The following FLT1 variants were observed in gnomAD, a reference collection of about 807,000 sequenced individuals.
FLT1 encodes the protein vascular endothelial growth factor receptor 1.
In FLT1, 49 loss-of-function variants were observed where a neutral mutation model predicts 156.3. The observed-to-expected ratio is 0.31, with a 90% CI of 0.25 to 0.40. FLT1 has a LOEUF of 0.40. FLT1 is among the 10% of genes least tolerant of loss of function. FLT1 has a pLI of 1.00. For synonymous variants in FLT1, 594 were observed against 583.8 expected (o/e 1.02, Z -0.25); for missense variants, 1,322 against 1,637.2 (o/e 0.81, Z 3.32).
intron 1 of FLT1, among the ~76,000 whole-genome samples, chr13:28,484,131 T>C (rs1458280046): frequency 1.3e-5 from 2 of 152,220 alleles, no homozygotes; most frequent in African/African-American, 2.4e-5. Context: ...GTTCACATTT[T>C]TTTCCCTTCC....
chr13:28,368,968 G>A (rs1208511320), intron 14 of FLT1, among the ~76,000 whole-genome samples: 2 of 152,044 alleles, frequency 1.3e-5, no homozygotes, highest in Non-Finnish European at 2.9e-5. Context: ...GCCTCCCAAA[G>A]TGCTGGGATT....
intron 3 of FLT1, among the ~76,000 whole-genome samples, chr13:28,438,931 C>A (rs938933160): frequency 5.9e-5 from 9 of 152,102 alleles, no homozygotes; most frequent in Admixed American, 5.2e-4. Flanking sequence ...GCGGACAGGC[C>A]GGAGAAGCTG....
intron 1 of FLT1, among the ~76,000 whole-genome samples, chr13:28,494,576 C>T (rs1038588850): frequency 6.6e-6 from 1 of 152,196 alleles, no homozygotes. Context: ...AGGCCAGCCA[C>T]TCCTCGAGGC....
chr13:28,412,736 T>C (rs1876381221), intron 10 of FLT1, among the ~76,000 whole-genome samples: 1 of 135,372 alleles, frequency 7.4e-6, no homozygotes, highest in Non-Finnish European at 1.6e-5. Flanking sequence ...CGTTCTTTTT[T>C]TTTTTTTTTT....
At position 28,370,027 on chromosome 13, in the gene FLT1, A is replaced by C. The variant is rs183131729; in HGVS notation, c.2117-12342T>G. On this transcript the variant is annotated intron_variant, in intron 14 of 29. Coordinates refer to ENST00000282397, the MANE Select transcript of FLT1 (RefSeq NM_002019.4). ...CCAGCCTGGGCAACACAGTGAGACTACTGTCTCTATAAAAAATAAAAAAAA... is the reference window on the plus strand; with the variant it reads ...CCAGCCTGGGCAACACAGTGAGACTCCTGTCTCTATAAAAAATAAAAAAAA... Among the ~76,000 whole-genome samples the C allele has an allele frequency of 3.3e-5, 5 of 152,018 alleles. No homozygotes were observed. In the East Asian group the frequency reaches 7.7e-4, roughly 24 times the overall value.
chr13:28,325,902 G>A (rs141636008), intron 20 of FLT1, among the ~76,000 whole-genome samples: 57 of 151,314 alleles, frequency 3.8e-4, no homozygotes, highest in African/African-American at 1.1e-3. Context: ...ATATATTGCC[G>A]GTCCGGTAGA....
chr13:28,327,781 G>A (rs1412865445), intron 19 of FLT1, among the ~76,000 whole-genome samples: 1 of 139,410 alleles, frequency 7.2e-6, no homozygotes, highest in African/African-American at 2.5e-5. Context: ...AAAAAAGGAG[G>A]TGAGGGGCAG....
intron 23 of FLT1, among the ~76,000 whole-genome samples, chr13:28,320,672 T>C (rs1263415742): frequency 6.6e-6 from 1 of 152,008 alleles, no homozygotes; most frequent in African/African-American, 2.4e-5. Context: ...GTCTAGAAAC[T>C]GGTTAGAAAT....
chr13:28,473,516 G>A (rs144869222), intron 1 of FLT1, among the ~76,000 whole-genome samples: 5,318 of 151,450 alleles, frequency 0.035, 145 homozygotes, highest in Non-Finnish European at 0.049. Context: ...ATGGTGGTGC[G>A]CGCCTGTAGT....
chr13:28,393,493 G>A (rs1403323619), intron 12 of FLT1, among the ~76,000 whole-genome samples: 2 of 152,194 alleles, frequency 1.3e-5, no homozygotes, highest in African/African-American at 4.8e-5. Flanking sequence ...GTGTGCCAAA[G>A]TTTGGAGTCG....
chr13:28,405,743 G>T (rs370872471), intron 11 of FLT1, 37 bp downstream of exon 11: 15 of 1,106,928 alleles, frequency 1.4e-5, no homozygotes, highest in Non-Finnish European at 1.8e-5. Context: ...TGTATTTGTG[G>T]AATAAATATC....
chr13:28,441,569 A>G (rs555464048), intron 3 of FLT1, among the ~76,000 whole-genome samples: 1 of 152,224 alleles, frequency 6.6e-6, no homozygotes, highest in African/African-American at 2.4e-5. Context: ...CACAAATTAT[A>G]CTCATCATCT....
chr13:28,308,054 G>A (rs1311596071), intron 28 of FLT1, among the ~76,000 whole-genome samples: 1 of 152,194 alleles, frequency 6.6e-6, no homozygotes, highest in Non-Finnish European at 1.5e-5. Flanking sequence ...TTACAGGCTT[G>A]AGCCACTGCG....
At chr13:28,311,513 C>T in intron 27 of FLT1, 77 bp downstream of exon 27, 3 of 1,249,710 alleles carry the variant, frequency 2.4e-6, no homozygotes, top group Non-Finnish European at 3.4e-6. Flanking sequence ...TTTCGTCTTT[C>T]TTTCTCTTTC....
chr13:28,428,016 C>A, intron 8 of FLT1, 95 bp from the exon 9 acceptor site: 2 of 1,027,164 alleles, frequency 1.9e-6, no homozygotes, highest in Non-Finnish European at 3.0e-6. Flanking sequence ...TCAAGTTGAC[C>A]AATTTCAAAC....
At chr13:28,436,746 T>C (rs1206745102) in intron 4 of FLT1, among the ~76,000 whole-genome samples, 11 of 152,224 alleles carry the variant, frequency 7.2e-5, no homozygotes. Flanking sequence ...AACTGTTAAA[T>C]AATGCTAAAG....
chr13:28,424,788 C>T lies in FLT1; in HGVS notation c.1436+2371G>A, dbSNP rs568732193. ...TAGTCACCCAATCTCTTTTGATGAT[C>T]ATGTATAGACACCAGTATGCAAATA... is the stretch of plus-strand genomic sequence containing the variant. On this transcript the variant is annotated intron_variant, in intron 10 of 29. Transcript: ENST00000282397. 4.6e-5 allele frequency among the ~76,000 whole-genome samples: 7 copies of T among 152,238 alleles called. No homozygotes were observed. The East Asian group carries it at 1.2e-3, about 25-fold the overall frequency.
chr13:28,448,834 G>C (rs1488595147), intron 3 of FLT1, among the ~76,000 whole-genome samples: 1 of 152,120 alleles, frequency 6.6e-6, no homozygotes, highest in African/African-American at 2.4e-5. Context: ...TCCTGAGCTG[G>C]CTGAGCTGGA....
intron 3 of FLT1, among the ~76,000 whole-genome samples, chr13:28,461,953 T>C (rs566838012): frequency 6.6e-6 from 1 of 152,194 alleles, no homozygotes; most frequent in South Asian, 2.1e-4. Context: ...AAGAGGAAAA[T>C]AATCAAGTAA....
Sources: allele counts gnomAD v4.1 joint callset (sites outside exome capture counted in the v4.1 genomes callset), GRCh38; gene constraint gnomAD v4.1.1; transcripts MANE v1.5; gene names NCBI Gene and HGNC (gene_info 2026-07-23, HGNC 2026-07-21).